The following LNX1 variants were observed in gnomAD, a reference collection of about 807,000 sequenced individuals.
The protein encoded by LNX1 is ligand of numb-protein X 1.
Under a neutral mutation model 68.4 loss-of-function variants are expected in LNX1, and 54 were observed. That is an observed-to-expected ratio of 0.79 (90% confidence interval 0.63 to 0.99). LNX1 has a LOEUF of 0.99. LNX1 is among the 50% of genes least tolerant of loss of function. The pLI is 0.00. For synonymous variants in LNX1, 336 were observed against 350.0 expected, an observed-to-expected ratio of 0.96 and a Z score of 0.45; for missense variants, 906 against 926.4, an observed-to-expected ratio of 0.98 and a Z score of 0.29.
chr4:53,503,323 T>C (rs915047279), intron 4 of LNX1, among the ~76,000 whole-genome samples: 5 of 152,228 alleles, frequency 3.3e-5, no homozygotes, highest in South Asian at 2.1e-4. Flanking sequence ...GGAATCACTA[T>C]GTATGGCAGC....
intron 9 of LNX1, among the ~76,000 whole-genome samples, chr4:53,470,600 C>T (rs1053841564): frequency 6.6e-6 from 1 of 152,210 alleles, no homozygotes; most frequent in South Asian, 2.1e-4. Flanking sequence ...CCCATCATCT[C>T]AGCCCAAAAT....
intron 1 of LNX1, among the ~76,000 whole-genome samples, chr4:53,577,630 G>C (rs1331499771): frequency 1.3e-5 from 2 of 151,990 alleles, no homozygotes; most frequent in Admixed American, 6.6e-5. Context: ...GACCAGGCTG[G>C]TCTTGAACTC....
intron 2 of LNX1, among the ~76,000 whole-genome samples, chr4:53,610,674 C>CG (rs1334053033): frequency 7.0e-6 from 1 of 143,156 alleles, no homozygotes; most frequent in African/African-American, 2.6e-5. Context: ...CACCACTGTA[C>CG]TCCAGCCTGG....
chr4:53,547,680 A>G (rs1230364349), intron 2 of LNX1, among the ~76,000 whole-genome samples: 1 of 152,210 alleles, frequency 6.6e-6, no homozygotes, highest in Non-Finnish European at 1.5e-5. Flanking sequence ...GGCAACCAGG[A>G]AGACAGCTCC....
intron 2 of LNX1, among the ~76,000 whole-genome samples, chr4:53,567,837 A>G (rs1355793253): frequency 2.0e-5 from 3 of 152,072 alleles, no homozygotes; most frequent in Non-Finnish European, 4.4e-5. Context: ...CCACAGAAAT[A>G]CAAACTACCA....
chr4:53,477,550 C>T (rs550074596), intron 8 of LNX1, among the ~76,000 whole-genome samples: 1 of 152,302 alleles, frequency 6.6e-6, no homozygotes, highest in Non-Finnish European at 1.5e-5. Context: ...AGGATCATTT[C>T]CATATAGATC....
intron 2 of LNX1, chr4:53,602,928 G>A (rs1733079604): frequency 6.6e-6 from 1 of 152,192 alleles, no homozygotes; most frequent in South Asian, 2.1e-4. Flanking sequence ...CAGTAGATGT[G>A]AAGCTCTGAG....
intron 6 of LNX1, among the ~76,000 whole-genome samples, chr4:53,491,021 T>C (rs1460007595): frequency 6.6e-6 from 1 of 152,214 alleles, no homozygotes; most frequent in South Asian, 2.1e-4. Flanking sequence ...TTTTATTCCA[T>C]AAATTAACTT....
intron 1 of LNX1, among the ~76,000 whole-genome samples, chr4:53,644,194 A>G (rs1302594330): frequency 6.6e-6 from 1 of 152,138 alleles, no homozygotes; most frequent in Non-Finnish European, 1.5e-5. Flanking sequence ...TGAGGCCAGG[A>G]GTTTGAGACC....
chr4:53,642,853 G>GTCCT (rs1734737899), intron 1 of LNX1, among the ~76,000 whole-genome samples: 1 of 152,168 alleles, frequency 6.6e-6, no homozygotes, highest in Admixed American at 6.5e-5. Context: ...CCCAGCCATG[G>GTCCT]CATGGAAGCT....
intron 4 of LNX1, among the ~76,000 whole-genome samples, chr4:53,501,024 T>C (rs1560630386): frequency 6.6e-6 from 1 of 152,110 alleles, no homozygotes. Context: ...GGACATACCA[T>C]TCACACTTGT....
chr4:53,545,801 C>T (rs1729070838), intron 2 of LNX1, among the ~76,000 whole-genome samples: 1 of 116,800 alleles, frequency 8.6e-6, no homozygotes, highest in Non-Finnish European at 1.7e-5. Flanking sequence ...TCAGAGGCCA[C>T]ATTTTTTTTT....
chr4:53,644,290 A>G (rs538822007), intron 1 of LNX1, among the ~76,000 whole-genome samples: 1 of 152,214 alleles, frequency 6.6e-6, no homozygotes, highest in East Asian at 1.9e-4. Flanking sequence ...AGCCCTAGCT[A>G]CTTGGGAGGC....
At chr4:53,599,517 G>A (rs1732901086) in intron 2 of LNX1, among the ~76,000 whole-genome samples, 2 of 152,204 alleles carry the variant, frequency 1.3e-5, no homozygotes, top group African/African-American at 2.4e-5. Flanking sequence ...CTATGGAGTA[G>A]CCGTTCTTTT....
intron 1 of LNX1, chr4:53,576,150 G>A: frequency 6.4e-7 from 1 of 1,566,034 alleles, no homozygotes; most frequent in Non-Finnish European, 8.6e-7. Context: ...AGCAGCAGGG[G>A]GCCTGGCTGC....
chr4:53,576,191 A>T, intron 1 of LNX1: 3 of 1,584,242 alleles, frequency 1.9e-6, no homozygotes, highest in Non-Finnish European at 2.6e-6. Context: ...TGGTGGGTGG[A>T]TGTGACAATC....
chr4:53,639,270 G>C (rs1485344120), intron 1 of LNX1, among the ~76,000 whole-genome samples: 2 of 152,144 alleles, frequency 1.3e-5, no homozygotes, highest in Non-Finnish European at 2.9e-5. Context: ...TTGTAAGTGG[G>C]AGCTAAACAT....
intron 2 of LNX1, among the ~76,000 whole-genome samples, chr4:53,538,492 G>A (rs1728531718): frequency 6.6e-6 from 1 of 152,184 alleles, no homozygotes; most frequent in Non-Finnish European, 1.5e-5. Context: ...TTGAATGCAT[G>A]AGGGTTCATC....
At chr4:53,469,248 C>T (rs2150566601) in intron 9 of LNX1, among the ~76,000 whole-genome samples, 1 of 152,078 alleles carries the variant, frequency 6.6e-6, no homozygotes, top group East Asian at 1.9e-4. Context: ...CTACTAGGTA[C>T]ATAACGAAAT....
Sources: gnomAD v4.1 joint callset for allele counts (sites outside exome capture counted in the v4.1 genomes callset) on GRCh38, gnomAD v4.1.1 for gene constraint, MANE v1.5 for transcripts, NCBI Gene and HGNC (gene_info 2026-07-23, HGNC 2026-07-21) for gene names.